Variants in PRIM2 observed in about 807,000 individuals in gnomAD.
PRIM2 encodes DNA primase large subunit.
PRIM2 carries 39 observed loss-of-function variants against 67.3 expected under a neutral mutation model. That is an observed-to-expected ratio of 0.58 (90% confidence interval 0.45 to 0.76). PRIM2 has a LOEUF of 0.76. Ranked by LOEUF, PRIM2 falls within the 30% of genes least tolerant of loss-of-function variation. PRIM2 has a pLI of 0.00. For synonymous variants in PRIM2, 143 were observed against 198.7 expected (o/e 0.72, Z 2.36); for missense variants, 398 against 598.7 (o/e 0.66, Z 3.50).
At chr6:57,330,348 G>GTTTTTTTTTTTTTTTTTTTTTTT (rs1238317111) in intron 5 of PRIM2, among the ~76,000 whole-genome samples, 219 of 87,702 alleles carry the variant, frequency 2.5e-3, no homozygotes, top group Non-Finnish European at 2.8e-3. Context: ...TGCTGAACTT[G>GTTTTTTTTTTTTTTTTTTTTTTT]TTTTTTTTTT....
At position 57,605,305 on chromosome 6, in the gene PRIM2, G is replaced by C. The variant is rs1290517792; in HGVS notation, c.1148-1070G>C. On this transcript the variant is annotated intron_variant, in intron 11 of 13. Transcript: ENST00000615550. The stretch of plus-strand genomic sequence containing the variant: ...GCTTCATAAATTGAGTTAATGGGGG[G>C]AGTCCCCCCTCCTCAGTTTTTTGGA... Among the ~76,000 whole-genome samples the C allele has an allele frequency of 9.6e-3, 1,455 of 152,230 alleles. 12 individuals are homozygous for C. The highest frequency in any genetic ancestry group is 0.015 in the Non-Finnish European group (1,008 of 68,020).
intron 7 of PRIM2, among the ~76,000 whole-genome samples, chr6:57,433,200 A>G (rs1771890069): frequency 1.1e-5 from 1 of 89,054 alleles, no homozygotes. Flanking sequence ...AAATGATGGC[A>G]TGAAAAAAAT....
chr6:57,327,365 C>G (rs964621042), intron 5 of PRIM2, among the ~76,000 whole-genome samples: 14 of 152,078 alleles, frequency 9.2e-5, no homozygotes, highest in African/African-American at 3.4e-4. Context: ...GTAGAAGTTG[C>G]AATAGGTGAA....
At chr6:57,512,513 T>C (rs1774392083) in intron 8 of PRIM2, among the ~76,000 whole-genome samples, 1 of 152,204 alleles carries the variant, frequency 6.6e-6, no homozygotes, top group African/African-American at 2.4e-5. Context: ...GGATGGTAGA[T>C]GGTTATTTAT....
chr6:57,458,445 A>T (rs1202398878), intron 7 of PRIM2, among the ~76,000 whole-genome samples: 1 of 152,194 alleles, frequency 6.6e-6, no homozygotes, highest in Non-Finnish European at 1.5e-5. Context: ...GCACTTTGGG[A>T]GGCCAAGGTG....
intron 7 of PRIM2, among the ~76,000 whole-genome samples, chr6:57,437,662 C>CTTTT (rs11315818): frequency 1.6e-5 from 2 of 128,364 alleles, no homozygotes; most frequent in East Asian, 2.2e-4. Flanking sequence ...GGAAGGATTC[C>CTTTT]TTTTTTTTTT....
intron 7 of PRIM2, among the ~76,000 whole-genome samples, chr6:57,480,317 A>T (rs1294292884): frequency 6.6e-6 from 1 of 152,196 alleles, no homozygotes; most frequent in Non-Finnish European, 1.5e-5. Flanking sequence ...TTACATACAC[A>T]GGAAGTTGAA....
chr6:57,312,784 A>C (rs1767411431), upstream of PRIM2, among the ~76,000 whole-genome samples: 1 of 152,196 alleles, frequency 6.6e-6, no homozygotes. Flanking sequence ...TCAAGACCAT[A>C]AAGACCGTCT....
the PRIM2 span, among the ~76,000 whole-genome samples, chr6:57,293,424 G>A: frequency 3.0e-4 from 45 of 152,294 alleles, no homozygotes; most frequent in East Asian, 8.7e-3. Context: ...GGAAGACAGT[G>A]TGGCAATTCC....
At chr6:57,248,672 G>A in the PRIM2 span, among the ~76,000 whole-genome samples, 1 of 152,138 alleles carries the variant, frequency 6.6e-6, no homozygotes, top group Non-Finnish European at 1.5e-5. Context: ...AGAATGAAGA[G>A]TAGGCCTGCA....
intron 6 of PRIM2, among the ~76,000 whole-genome samples, chr6:57,381,540 T>C (rs72871630): frequency 1.4e-5 from 2 of 140,310 alleles, no homozygotes; most frequent in East Asian, 4.0e-4. Flanking sequence ...CATTTCTTAG[T>C]ACTGAGATTA....
At chr6:57,599,827 T>A (rs1363078943) in intron 10 of PRIM2, among the ~76,000 whole-genome samples, 1 of 152,250 alleles carries the variant, frequency 6.6e-6, no homozygotes, top group Admixed American at 6.5e-5. Flanking sequence ...TTTTTAAATT[T>A]AATTTTTAAT....
intron 9 of PRIM2, among the ~76,000 whole-genome samples, chr6:57,534,534 A>G (rs1288039403): frequency 3.3e-5 from 5 of 152,298 alleles, no homozygotes; most frequent in African/African-American, 9.6e-5. Context: ...ACTACTGCCC[A>G]CACCTCTTAA....
chr6:57,470,232 A>G (rs1216049689), intron 7 of PRIM2, among the ~76,000 whole-genome samples: 4 of 151,508 alleles, frequency 2.6e-5, no homozygotes, highest in Non-Finnish European at 5.9e-5. Context: ...TTTGAAAACA[A>G]TTATTTCCTC....
intron 7 of PRIM2, among the ~76,000 whole-genome samples, chr6:57,458,991 A>G (rs1165363575): frequency 6.6e-6 from 1 of 152,218 alleles, no homozygotes; most frequent in Non-Finnish European, 1.5e-5. Flanking sequence ...AGTATGAACA[A>G]AAAAATAACT....
chr6:57,430,515 G>A (rs143063022), intron 7 of PRIM2, among the ~76,000 whole-genome samples: 374 of 135,112 alleles, frequency 2.8e-3, no homozygotes, highest in Admixed American at 5.8e-3. Flanking sequence ...GTGCAGTGGC[G>A]CAATCTCAGC....
intron 5 of PRIM2, among the ~76,000 whole-genome samples, chr6:57,338,725 A>G (rs1269645833): frequency 7.3e-6 from 1 of 137,924 alleles, no homozygotes; most frequent in Non-Finnish European, 1.6e-5. Context: ...AGAGCTATCT[A>G]TGACAAACCC....
At chr6:57,367,765 A>G (rs922391768) in intron 5 of PRIM2, among the ~76,000 whole-genome samples, 19 of 152,182 alleles carry the variant, frequency 1.2e-4, no homozygotes, top group Non-Finnish European at 2.2e-4. Flanking sequence ...TGATCCCTCA[A>G]ACGAGGTGGT....
chr6:57,533,232 G>A (rs1321258629), intron 9 of PRIM2, among the ~76,000 whole-genome samples: 6 of 151,868 alleles, frequency 4.0e-5, no homozygotes, highest in African/African-American at 9.7e-5. Flanking sequence ...ATAGGGTAGC[G>A]TACTTTGCCA....
Sources: allele counts gnomAD v4.1 joint callset (sites outside exome capture counted in the v4.1 genomes callset), GRCh38; gene constraint gnomAD v4.1.1; transcripts MANE v1.5; gene names NCBI Gene and HGNC (gene_info 2026-07-23, HGNC 2026-07-21).